The following TIAM2 variants were observed in gnomAD, a reference collection of about 807,000 sequenced individuals.
TIAM2 encodes rho guanine nucleotide exchange factor TIAM2.
In TIAM2, 80 loss-of-function variants were observed where a neutral mutation model predicts 152.9. That is an observed-to-expected ratio of 0.52 (90% CI 0.44 to 0.63). The LOEUF is 0.63. Ranked by LOEUF, TIAM2 falls within the 30% of genes least tolerant of loss-of-function variation. The pLI, the probability that TIAM2 is intolerant of heterozygous loss-of-function variation, is 0.00. For missense variants in TIAM2, 1,965 were observed against 2,120.1 expected (o/e 0.93, Z 1.44); for synonymous variants, 804 against 838.0 (o/e 0.96, Z 0.70).
chr6:155,029,455 T>TAA lies in TIAM2; in HGVS notation c.-209+33963_-209+33964insAA, dbSNP rs1484006742. ...AGTATATATTATACTATAGTATATA[T>TAA]TATATATAATATATACTATAGTATA... On this transcript the variant is annotated intron_variant, in intron 1 of 26. Coordinates refer to ENST00000682666, the MANE Select transcript of TIAM2 (RefSeq NM_012454.4). Among the ~76,000 whole-genome samples the TAA allele has an allele frequency of 1.2e-4, 5 of 41,752 alleles. 1 individual carries two copies. Among genetic ancestry groups the TAA allele is most frequent in the South Asian group, 5.8e-4 (1 of 1,722 alleles). The allele number at this position is 41,752 out of a possible 152,430, so 27.4% of individuals were successfully genotyped here.
At position 155,165,276 on chromosome 6, in the gene TIAM2, A is replaced by G; in HGVS notation, c.2228A>G (p.Asp743Gly). 6.2e-7 allele frequency: 1 copy of G among 1,613,348 alleles called. No individual in the cohort carries two copies. The highest frequency in any genetic ancestry group is 8.5e-7 in the Non-Finnish European group (1 of 1,179,824). The part of the protein sequence containing the change: ...SSFHALVCSR[D>G]DSALRKRTLS... ...GTTTTACATTAGGTATGTTCTAGAGATGACTCTGCTCTCCGGAAAAGGACA... is the reference window on the plus strand; with the variant it reads ...GTTTTACATTAGGTATGTTCTAGAGGTGACTCTGCTCTCCGGAAAAGGACA... Residue 743 changes from aspartate to glycine, a missense_variant, in exon 9 of 27, where the codon GAT (aspartate) becomes GGT (glycine). Transcript: ENST00000682666.
At chr6:155,219,051 G>A (rs1028256973) in intron 15 of TIAM2, among the ~76,000 whole-genome samples, 27 of 150,650 alleles carry the variant, frequency 1.8e-4, no homozygotes, top group Non-Finnish European at 1.8e-4. Flanking sequence ...CATCTCAGCC[G>A]CCCACCCGTG....
At chr6:155,226,666 G>A (rs9480092) in intron 15 of TIAM2, among the ~76,000 whole-genome samples, 25,927 of 147,578 alleles carry the variant, frequency 0.18, 2,314 homozygotes, top group African/African-American at 0.25. Context: ...ACTGCATCTC[G>A]GGTGGGGGCG....
chr6:155,145,381 C>T (rs1193251355), intron 6 of TIAM2, among the ~76,000 whole-genome samples: 1 of 152,032 alleles, frequency 6.6e-6, no homozygotes, highest in African/African-American at 2.4e-5. Context: ...AATCCTGGCA[C>T]CTTTGTTAGC....
At chr6:155,177,619 A>G (rs1194335503) in intron 10 of TIAM2, among the ~76,000 whole-genome samples, 1 of 152,254 alleles carries the variant, frequency 6.6e-6, no homozygotes, top group Non-Finnish European at 1.5e-5. Flanking sequence ...ACTATGTTGA[A>G]ATGGTGAAAA....
intron 1 of TIAM2, among the ~76,000 whole-genome samples, chr6:155,013,213 TG>T (rs35057163): frequency 0.15 from 22,351 of 152,102 alleles, 1,756 homozygotes; most frequent in Middle Eastern, 0.24. Context: ...GGTCTACAGC[TG>T]GCTTAGTCTG....
At chr6:155,041,397 G>A (rs1223729070) in intron 1 of TIAM2, among the ~76,000 whole-genome samples, 1 of 152,148 alleles carries the variant, frequency 6.6e-6, no homozygotes, top group South Asian at 2.1e-4. Context: ...TTTTCTAAGT[G>A]TGACAGTCAT....
At position 155,130,236 on chromosome 6, in the gene TIAM2, A is replaced by G. The variant is rs375328023; in HGVS notation, c.1013A>G (p.Asp338Gly). 6 of 1,613,994 alleles carry G rather than the reference A, an allele frequency of 3.7e-6. No homozygotes were observed. The highest frequency in any genetic ancestry group is 5.1e-6 in the Non-Finnish European group (6 of 1,180,022). Residue 338 changes from aspartate to glycine, a missense_variant, in exon 4 of 27, where the codon GAC becomes GGC. By Grantham distance (94) the Asp-to-Gly change is moderately conservative. This residue lies in a region of TIAM2 where 1,025 missense variants were observed against 1,119.4 expected (regional missense o/e 0.92). Transcript: ENST00000682666. ...AGCAACCGTGTCTCTTTTGCTTCCG[A>G]CATTGATGTGCCCTCCAGAGTGGCA... ...SLSNRVSFASDIDVPSRVAHG... is the reference protein window; with the variant it reads ...SLSNRVSFASGIDVPSRVAHG...
At chr6:155,155,036 G>C (rs1442852140) in intron 7 of TIAM2, among the ~76,000 whole-genome samples, 1 of 152,160 alleles carries the variant, frequency 6.6e-6, no homozygotes, top group Non-Finnish European at 1.5e-5. Flanking sequence ...ATATTTGTGA[G>C]GGGATTTGAG....
At position 155,256,992 on chromosome 6, in the gene TIAM2, T is replaced by TGACA. The variant is rs959125314; in HGVS notation, c.4979_4982dup (p.Ser1661ArgfsTer5). 4 of 1,614,046 alleles carry TGACA rather than the reference T, an allele frequency of 2.5e-6. No homozygotes were observed. The highest frequency in any genetic ancestry group is 1.3e-5 in the African/African-American group (1 of 74,922). ...AGGCGCAGATCCGTCACCAGTCCCT[T>TGACA]GACAGTCAGTCTGAAAATGCCACCA... is the stretch of plus-strand genomic sequence containing the variant. On this transcript the variant is annotated frameshift_variant, in exon 27 of 27. Transcript: ENST00000682666. LOFTEE classifies it high-confidence loss of function.
chr6:155,039,487 A>G (rs1776980820), intron 1 of TIAM2, among the ~76,000 whole-genome samples: 1 of 151,988 alleles, frequency 6.6e-6, no homozygotes, highest in Non-Finnish European at 1.5e-5. Context: ...CCTGAGGAGT[A>G]CGAGAAGGTT....
At chr6:155,168,627 G>A (rs551947927) in intron 9 of TIAM2, among the ~76,000 whole-genome samples, 1 of 152,234 alleles carries the variant, frequency 6.6e-6, no homozygotes, top group South Asian at 2.1e-4. Flanking sequence ...AAAGTGCTGG[G>A]ATTACAGGCC....
chr6:155,083,658 T>C (rs1263719836), intron 1 of TIAM2, among the ~76,000 whole-genome samples: 1 of 152,226 alleles, frequency 6.6e-6, no homozygotes, highest in Non-Finnish European at 1.5e-5. Context: ...TATATTGCTG[T>C]TCCCTAATGA....
chr6:155,099,111 C>G (rs577686033), intron 2 of TIAM2, among the ~76,000 whole-genome samples: 1 of 128,012 alleles, frequency 7.8e-6, no homozygotes, highest in African/African-American at 2.7e-5. Context: ...TGCTTGAACC[C>G]GGGAGTCAGA....
intron 2 of TIAM2, among the ~76,000 whole-genome samples, chr6:155,115,817 A>T (rs976929934): frequency 3.3e-5 from 5 of 152,214 alleles, no homozygotes; most frequent in Non-Finnish European, 7.3e-5. Context: ...CCCGGCACAC[A>T]GCAGCATTAA....
intron 1 of TIAM2, among the ~76,000 whole-genome samples, chr6:155,074,928 G>A (rs150694339): frequency 1.3e-5 from 2 of 150,198 alleles, no homozygotes; most frequent in Non-Finnish European, 1.5e-5. Context: ...TGACCACAGC[G>A]CTGGGGAGTC....
At chr6:155,251,145 GA>G in intron 22 of TIAM2, 124 bp downstream of exon 22, 1 of 781,880 alleles carries the variant, frequency 1.3e-6, no homozygotes, top group Non-Finnish European at 2.1e-6. Flanking sequence ...AATGGTTGGG[GA>G]CTTAACAGGG....
chr6:155,043,113 A>G (rs1036714918), intron 1 of TIAM2, among the ~76,000 whole-genome samples: 6 of 152,190 alleles, frequency 3.9e-5, no homozygotes, highest in African/African-American at 1.4e-4. Context: ...CCAAAAGGAT[A>G]AGAAACTTAC....
intron 1 of TIAM2, among the ~76,000 whole-genome samples, chr6:155,064,867 C>T (rs189675336): frequency 2.7e-5 from 4 of 148,604 alleles, no homozygotes; most frequent in Non-Finnish European, 3.0e-5. Flanking sequence ...CTTTTGTCCA[C>T]CCTTTTCCCT....
Sources: allele counts gnomAD v4.1 joint callset (sites outside exome capture counted in the v4.1 genomes callset), GRCh38; gene constraint gnomAD v4.1.1; regional missense constraint gnomAD v4.1.1; transcripts MANE v1.5; gene names NCBI Gene and HGNC (gene_info 2026-07-23, HGNC 2026-07-21).